SGCG: variants seen among roughly 807,000 people sequenced by gnomAD.
SGCG encodes sarcoglycan gamma.
A neutral mutation model predicts 29.3 loss-of-function variants in SGCG; 26 were observed. The ratio of observed to expected loss-of-function variants is 0.89; its 90% CI spans 0.65 to 1.23. The LOEUF (loss-of-function observed/expected upper bound fraction) is 1.23. Among genes scored for constraint, SGCG ranks in the 50% most tolerant of loss-of-function variants. SGCG has a pLI of 0.00. For synonymous variants in SGCG, 145 were observed against 129.7 expected, an observed-to-expected ratio of 1.12 and a Z score of -0.80; for missense variants, 353 against 356.0, an observed-to-expected ratio of 0.99 and a Z score of 0.07.
intron 6 of SGCG, among the ~76,000 whole-genome samples, chr13:23,302,109 A>G (rs995663985): frequency 6.6e-6 from 1 of 152,074 alleles, no homozygotes; most frequent in African/African-American, 2.4e-5. Context: ...AAACATACAA[A>G]CAAGCTCTTC....
chr13:23,291,794 A>G (rs1367913763), intron 5 of SGCG, among the ~76,000 whole-genome samples: 2 of 152,308 alleles, frequency 1.3e-5, no homozygotes, highest in South Asian at 2.1e-4. Context: ...AAATTCAGCT[A>G]TTGGGGGAAA....
At chr13:23,275,373 G>T (rs1278681752) in intron 4 of SGCG, among the ~76,000 whole-genome samples, 1 of 151,632 alleles carries the variant, frequency 6.6e-6, no homozygotes, top group Non-Finnish European at 1.5e-5. Context: ...AAGTCAGCCG[G>T]GTGCCTATAG....
chr13:23,302,330 C>G (rs1882192683), intron 6 of SGCG, among the ~76,000 whole-genome samples: 1 of 151,680 alleles, frequency 6.6e-6, no homozygotes, highest in South Asian at 2.1e-4. Context: ...TGGATAGAGT[C>G]ATAATTTAAG....
At chr13:23,316,112 C>T (rs1016483965) in intron 6 of SGCG, among the ~76,000 whole-genome samples, 1 of 152,174 alleles carries the variant, frequency 6.6e-6, no homozygotes, top group Non-Finnish European at 1.5e-5. Context: ...GCTGAGTACC[C>T]AGTTTGCCAG....
intron 5 of SGCG, among the ~76,000 whole-genome samples, chr13:23,281,368 A>G (rs1881300932): frequency 1.1e-5 from 1 of 87,512 alleles, no homozygotes; most frequent in African/African-American, 3.4e-5. Flanking sequence ...AATAATAATA[A>G]TAATAATAAT....
At chr13:23,198,935 C>T (rs550406288) in intron 1 of SGCG, among the ~76,000 whole-genome samples, 38 of 149,100 alleles carry the variant, frequency 2.5e-4, no homozygotes, top group African/African-American at 8.2e-4. Context: ...GGTGAAACCC[C>T]GTCTCTACTA....
At chr13:23,315,494 T>G (rs1351482191) in intron 6 of SGCG, among the ~76,000 whole-genome samples, 2 of 152,040 alleles carry the variant, frequency 1.3e-5, no homozygotes. Flanking sequence ...TCATGGGGAG[T>G]TCCCTATGAT....
At chr13:23,192,068 G>C (rs1236021562) in intron 1 of SGCG, among the ~76,000 whole-genome samples, 5 of 151,638 alleles carry the variant, frequency 3.3e-5, no homozygotes, top group Admixed American at 6.6e-5. Context: ...CCAGCTACTC[G>C]GGAGGCTGAG....
At chr13:23,305,902 C>T (rs1437881815) in intron 6 of SGCG, among the ~76,000 whole-genome samples, 2 of 152,182 alleles carry the variant, frequency 1.3e-5, no homozygotes, top group African/African-American at 2.4e-5. Flanking sequence ...TGTTCTTGCT[C>T]TGCTGCCTGC....
chr13:23,254,991 G>T (rs942729249), intron 4 of SGCG, among the ~76,000 whole-genome samples: 3 of 152,238 alleles, frequency 2.0e-5, no homozygotes, highest in Non-Finnish European at 4.4e-5. Context: ...TCTGAAACAT[G>T]CTGCAGGGAC....
chr13:23,304,463 C>T (rs879738360), intron 6 of SGCG, among the ~76,000 whole-genome samples: 114 of 152,124 alleles, frequency 7.5e-4, no homozygotes, highest in Non-Finnish European at 1.3e-3. Flanking sequence ...TCTACTTTTT[C>T]CCGTGTGATT....
intron 4 of SGCG, among the ~76,000 whole-genome samples, chr13:23,277,095 CT>C (rs1201563220): frequency 1.3e-5 from 2 of 152,106 alleles, no homozygotes; most frequent in Admixed American, 6.5e-5. Flanking sequence ...TGAAAATAAA[CT>C]TATTTGTTGA....
chr13:23,201,385 A>C (rs1235865475), intron 1 of SGCG, among the ~76,000 whole-genome samples: 4 of 148,854 alleles, frequency 2.7e-5, no homozygotes, highest in Non-Finnish European at 4.5e-5. Context: ...GAGGCTCTGC[A>C]GGTGTGGTTA....
intron 5 of SGCG, among the ~76,000 whole-genome samples, chr13:23,285,727 G>A (rs1481927834): frequency 6.6e-6 from 1 of 152,172 alleles, no homozygotes; most frequent in Non-Finnish European, 1.5e-5. Context: ...GAAATCCAGG[G>A]CCCTGGTGGT....
intron 6 of SGCG, among the ~76,000 whole-genome samples, chr13:23,304,423 G>A (rs1425636745): frequency 6.6e-6 from 1 of 151,862 alleles, no homozygotes; most frequent in Non-Finnish European, 1.5e-5. Flanking sequence ...CCAACCAGAT[G>A]TGCCAGCAAC....
At chr13:23,286,663 A>T (rs1300699545) in intron 5 of SGCG, among the ~76,000 whole-genome samples, 3 of 150,752 alleles carry the variant, frequency 2.0e-5, no homozygotes, top group Admixed American at 6.7e-5. Context: ...ACCCAGTAAG[A>T]GATTAACAAC....
chr13:23,212,078 G>A (rs1878245722), intron 2 of SGCG, among the ~76,000 whole-genome samples: 1 of 152,082 alleles, frequency 6.6e-6, no homozygotes, highest in African/African-American at 2.4e-5. Flanking sequence ...CTCCTACCAT[G>A]TAAGACGTGC....
At chr13:23,241,271 T>C (rs981783740) in intron 3 of SGCG, among the ~76,000 whole-genome samples, 3 of 149,238 alleles carry the variant, frequency 2.0e-5, no homozygotes, top group Admixed American at 6.7e-5. Context: ...AAATCATAAA[T>C]GAAAAAGGAG....
intron 4 of SGCG, chr13:23,268,015 C>G (rs1225141383): frequency 6.5e-6 from 1 of 152,842 alleles, no homozygotes; most frequent in African/African-American, 2.4e-5. Context: ...CCAGCCATTA[C>G]TTGATTAATG....
Sources: allele counts gnomAD v4.1 joint callset (sites outside exome capture counted in the v4.1 genomes callset), GRCh38; gene constraint gnomAD v4.1.1; transcripts MANE v1.5; gene names NCBI Gene and HGNC (gene_info 2026-07-23, HGNC 2026-07-21).